DLGAP2: variants seen among roughly 807,000 people sequenced by gnomAD.
DLGAP2 encodes DLG associated protein 2.
Under a neutral mutation model 100.3 loss-of-function variants are expected in DLGAP2, and 26 were observed. That is an observed-to-expected ratio of 0.26 (90% CI 0.19 to 0.36). The LOEUF is 0.36. DLGAP2 is among the 10% of genes least tolerant of loss of function. The pLI is 1.00. For synonymous variants in DLGAP2, 886 were observed against 630.1 expected (o/e 1.41, Z -6.08); for missense variants, 1,858 against 1,453.2 (o/e 1.28, Z -4.53).
intron 8 of DLGAP2, among the ~76,000 whole-genome samples, chr8:1,659,344 G>C (rs750621602): frequency 6.6e-6 from 1 of 152,166 alleles, no homozygotes; most frequent in Non-Finnish European, 1.5e-5. Context: ...GAGTTCTGTA[G>C]ATGTCTATTA....
chr8:1,124,851 G>A (rs1266325778), intron 2 of DLGAP2, among the ~76,000 whole-genome samples: 4 of 152,200 alleles, frequency 2.6e-5, no homozygotes, highest in East Asian at 1.9e-4. Context: ...AGTGGGGCCC[G>A]GAACCCCAGG....
Position 1,640,108 on chromosome 8 carries a change from G to A in DLGAP2, c.1810+7062G>A, listed in dbSNP as rs556813007. ...AATGAATGAGGTCTTCTCTGAAACC[G>A]AGCCCAGTATAAATGGTGACATCCT... On this transcript the variant is annotated intron_variant, in intron 8 of 14. Coordinates refer to ENST00000637795, the MANE Select transcript of DLGAP2 (RefSeq NM_001346810.2). Among the ~76,000 whole-genome samples, 107 of 152,330 alleles carry A rather than the reference G, an allele frequency of 7.0e-4. 1 individual carries two copies. The Middle Eastern group carries it at 0.01, about 15-fold the overall frequency.
intron 2 of DLGAP2, among the ~76,000 whole-genome samples, chr8:1,091,912 C>A (rs1804196159): frequency 6.6e-6 from 1 of 152,182 alleles, no homozygotes; most frequent in Admixed American, 6.5e-5. Context: ...CTCCCCACAT[C>A]CCAGGCTGGG....
intron 6 of DLGAP2, among the ~76,000 whole-genome samples, chr8:1,605,502 G>C (rs1238864066): frequency 2.6e-5 from 4 of 152,130 alleles, no homozygotes; most frequent in African/African-American, 9.7e-5. Flanking sequence ...TAGTGAGTGC[G>C]GCCTGTCCTT....
chr8:778,157 A>T, intron 1 of DLGAP2, among the ~76,000 whole-genome samples: 1 of 151,942 alleles, frequency 6.6e-6, no homozygotes, highest in Non-Finnish European at 1.5e-5. Context: ...AGGCTTCTGC[A>T]TTCTTCACGT....
chr8:740,544 G>T (rs1820457062), intron 1 of DLGAP2, among the ~76,000 whole-genome samples: 1 of 152,140 alleles, frequency 6.6e-6, no homozygotes, highest in Non-Finnish European at 1.5e-5. Flanking sequence ...GAAATTGGTA[G>T]AAATTCCAAA....
rs760927851 is a variant in DLGAP2, at chr8:1,224,042, A to G, written c.74-34809A>G. Among the ~76,000 whole-genome samples, 79 of 152,354 alleles carry G rather than the reference A, an allele frequency of 5.2e-4. 1 individual carries two copies. In the Middle Eastern group the frequency reaches 0.027, roughly 52 times the overall value. On this transcript the variant is annotated intron_variant, in intron 2 of 14. Transcript: ENST00000637795. ...TATGAAGGCAGATTCAAGTTAAGCAATGAATCAAAACGATATTCTTTGAGC... is the reference window on the plus strand; with the variant it reads ...TATGAAGGCAGATTCAAGTTAAGCAGTGAATCAAAACGATATTCTTTGAGC...
At position 1,318,792 on chromosome 8, in the gene DLGAP2, C is replaced by G. The variant is rs370721669; in HGVS notation, c.106+59909C>G. On this transcript the variant is annotated intron_variant, in intron 3 of 14. Coordinates refer to ENST00000637795, the MANE Select transcript of DLGAP2 (RefSeq NM_001346810.2). ...GTCAGTGATCAGCCCCCCCCCCGCC[C>G]CCTCGCCCATCCTTGGGGCCTCCAA... Among the ~76,000 whole-genome samples the G allele has an allele frequency of 2.2e-5, 3 of 137,104 alleles. No individual in the cohort carries two copies. In the South Asian group the frequency reaches 7.8e-4, roughly 36 times the overall value. 89.9% of individuals were successfully genotyped at this position (137,104 alleles called of 152,430 possible).
intron 1 of DLGAP2, among the ~76,000 whole-genome samples, chr8:764,863 A>T (rs1821171890): frequency 6.6e-6 from 1 of 152,194 alleles, no homozygotes; most frequent in African/African-American, 2.4e-5. Context: ...TTTGTACCAA[A>T]ATTTACCTAT....
At chr8:844,238 G>A (rs981018550) in intron 1 of DLGAP2, among the ~76,000 whole-genome samples, 1 of 152,124 alleles carries the variant, frequency 6.6e-6, no homozygotes, top group Non-Finnish European at 1.5e-5. Context: ...AAAATGGTAG[G>A]GATGGCTCAT....
At chr8:1,269,766 A>C (rs1563053211) in intron 3 of DLGAP2, among the ~76,000 whole-genome samples, 1 of 152,148 alleles carries the variant, frequency 6.6e-6, no homozygotes, top group Non-Finnish European at 1.5e-5. Context: ...GAAATAAGCA[A>C]AAAAGGCTGG....
rs970586233 is a variant in DLGAP2 at position 813,595 on chromosome 8, T to A, written c.18+75770T>A. On this transcript the variant is annotated intron_variant, in intron 1 of 14. Coordinates refer to ENST00000637795, the MANE Select transcript of DLGAP2 (RefSeq NM_001346810.2). ...CAGGAAGGTAAACTGATATGGAAAT[T>A]ATACAGTGTGTTTTAAAGGAGGTGA... is the stretch of plus-strand genomic sequence containing the variant. Among the ~76,000 whole-genome samples, 12 of 152,136 alleles carry A rather than the reference T, an allele frequency of 7.9e-5. 1 individual carries two copies. The South Asian group carries it at 2.3e-3, about 29-fold the overall frequency.
chr8:893,343 G>C lies in DLGAP2; in HGVS notation c.19-14569G>C, dbSNP rs561766731. Among the ~76,000 whole-genome samples the C allele has an allele frequency of 1.5e-3, 234 of 152,328 alleles. 1 individual carries two copies. The highest frequency in any genetic ancestry group is 5.4e-3 in the African/African-American group (225 of 41,576). ...GGTGGAAGACCCTGAACTGCTGGGT[G>C]CCTTTTGACCCTGCCAGGATGACCA... is the stretch of plus-strand genomic sequence containing the variant. On this transcript the variant is annotated intron_variant, in intron 1 of 14. Coordinates refer to ENST00000637795, the MANE Select transcript of DLGAP2 (RefSeq NM_001346810.2).
chr8:1,552,427 A>G (rs1801801258), intron 5 of DLGAP2, among the ~76,000 whole-genome samples: 1 of 152,086 alleles, frequency 6.6e-6, no homozygotes, highest in Admixed American at 6.5e-5. Flanking sequence ...TGGACCCCTC[A>G]TGGAAGGATC....
At chr8:1,263,988 G>A (rs576041470) in intron 3 of DLGAP2, among the ~76,000 whole-genome samples, 1 of 152,266 alleles carries the variant, frequency 6.6e-6, no homozygotes, top group East Asian at 1.9e-4. Context: ...CCTGAACATG[G>A]TTAGGGTTTT....
chr8:1,197,667 GCCACCAGC>G (rs1797780830), intron 2 of DLGAP2, among the ~76,000 whole-genome samples: 6 of 66,268 alleles, frequency 9.1e-5, no homozygotes, highest in Admixed American at 6.1e-4. Context: ...GAGCATCTGG[GCCACCAGC>G]TGTCCATATA....
At chr8:1,495,630 T>G (rs1178169551) in intron 3 of DLGAP2, among the ~76,000 whole-genome samples, 2 of 152,216 alleles carry the variant, frequency 1.3e-5, no homozygotes, top group Non-Finnish European at 2.9e-5. Flanking sequence ...AGCCTCTTCC[T>G]GGAGGACCCT....
At chr8:794,178 T>G (rs1351505828) in intron 1 of DLGAP2, among the ~76,000 whole-genome samples, 1 of 147,752 alleles carries the variant, frequency 6.8e-6, no homozygotes, top group South Asian at 2.2e-4. Context: ...TGGGATGAGC[T>G]GTTTGCTGGC....
chr8:1,539,904 T>C (rs952814918), intron 4 of DLGAP2, among the ~76,000 whole-genome samples: 1 of 151,916 alleles, frequency 6.6e-6, no homozygotes, highest in African/African-American at 2.4e-5. Context: ...CAGTCCATCC[T>C]CAACAGCCAG....
Sources: gnomAD v4.1 joint callset for allele counts (sites outside exome capture counted in the v4.1 genomes callset) on GRCh38, gnomAD v4.1.1 for gene constraint, MANE v1.5 for transcripts, NCBI Gene and HGNC (gene_info 2026-07-23, HGNC 2026-07-21) for gene names.